Variants in PRR5L observed in about 807,000 individuals in gnomAD.
PRR5L encodes proline rich 5 like.
PRR5L carries 21 observed loss-of-function variants against 36.4 expected under a neutral mutation model. That is an observed-to-expected ratio of 0.58 (90% CI 0.41 to 0.83). The LOEUF (loss-of-function observed/expected upper bound fraction) is 0.83. Among genes scored for constraint, PRR5L ranks in the 40% least tolerant of loss-of-function variants. PRR5L has a pLI of 0.00. For missense variants in PRR5L, 381 were observed against 473.3 expected (o/e 0.80, Z 1.81); for synonymous variants, 188 against 197.0 (o/e 0.95, Z 0.38).
At chr11:36,351,302 A>G (rs1396404850) in intron 1 of PRR5L, among the ~76,000 whole-genome samples, 5 of 70,134 alleles carry the variant, frequency 7.1e-5, no homozygotes, top group East Asian at 7.9e-4. Context: ...ATATTTATAT[A>G]TATATTTATA....
chr11:36,308,917 T>C (rs1856465262), intron 1 of PRR5L, among the ~76,000 whole-genome samples: 1 of 152,224 alleles, frequency 6.6e-6, no homozygotes, highest in Non-Finnish European at 1.5e-5. Flanking sequence ...GACACAAACC[T>C]GAACTAAGGC....
intron 2 of PRR5L, among the ~76,000 whole-genome samples, chr11:36,402,995 C>T (rs192303259): frequency 1.3e-5 from 2 of 152,358 alleles, no homozygotes; most frequent in East Asian, 3.9e-4. Flanking sequence ...CAGGTCCATG[C>T]AGTTTCCTGC....
intron 1 of PRR5L, among the ~76,000 whole-genome samples, chr11:36,359,335 G>A (rs982037552): frequency 3.3e-5 from 5 of 152,160 alleles, no homozygotes; most frequent in Admixed American, 3.3e-4. Flanking sequence ...CACTTCCTTC[G>A]GTGTTGGAGA....
intron 1 of PRR5L, chr11:36,388,268 A>G (rs1385419338): frequency 1.3e-5 from 2 of 152,230 alleles, no homozygotes; most frequent in African/African-American, 4.8e-5. Flanking sequence ...CAAATGAATG[A>G]ACTGTCATTG....
intron 1 of PRR5L, among the ~76,000 whole-genome samples, chr11:36,342,307 G>A (rs565476179): frequency 6.6e-6 from 1 of 152,178 alleles, no homozygotes; most frequent in African/African-American, 2.4e-5. Flanking sequence ...CACTAACCTG[G>A]AAATATAAAG....
At chr11:36,428,233 GA>G (rs1858423097) in intron 4 of PRR5L, among the ~76,000 whole-genome samples, 1 of 152,226 alleles carries the variant, frequency 6.6e-6, no homozygotes, top group African/African-American at 2.4e-5. Flanking sequence ...GGGAGGTGGT[GA>G]GGAGGCAGGG....
At chr11:36,374,220 G>T (rs997357217) in intron 1 of PRR5L, among the ~76,000 whole-genome samples, 1 of 151,916 alleles carries the variant, frequency 6.6e-6, no homozygotes, top group Non-Finnish European at 1.5e-5. Context: ...TCAGTCTCCA[G>T]AGTACTTGGG....
At chr11:36,302,580 G>C (rs1198319066) in intron 1 of PRR5L, among the ~76,000 whole-genome samples, 5 of 152,096 alleles carry the variant, frequency 3.3e-5, no homozygotes, top group Non-Finnish European at 5.9e-5. Flanking sequence ...GAGCTCAGGA[G>C]TTCGAGACCA....
At chr11:36,326,286 G>T (rs1288000738) in intron 1 of PRR5L, among the ~76,000 whole-genome samples, 3 of 140,078 alleles carry the variant, frequency 2.1e-5, no homozygotes, top group Non-Finnish European at 4.6e-5. Flanking sequence ...ACACTTTAGT[G>T]TGTCTCCCCA....
chr11:36,361,890 G>C (rs12575749), intron 1 of PRR5L, among the ~76,000 whole-genome samples: 36,144 of 151,782 alleles, frequency 0.24, 5,368 homozygotes, highest in Non-Finnish European at 0.33. Flanking sequence ...CTCTTCCCTC[G>C]AGGGGCTTGG....
intron 7 of PRR5L, among the ~76,000 whole-genome samples, chr11:36,448,282 A>T (rs1225714176): frequency 6.6e-6 from 1 of 151,930 alleles, no homozygotes; most frequent in Non-Finnish European, 1.5e-5. Flanking sequence ...CCCCACCCCC[A>T]TTTGCTCTCC....
rs1286948768 is a variant in PRR5L at position 36,351,667 on chromosome 11, T to TTATATATTTATATAAATATATATA, written c.-125-49324_-125-49323insTTTATATAAATATATATATATATA. ...TTTATATATTTATATAAATATATAT[T>TTATATATTTATATAAATATATATA]TATATACTTATATATTTATATATTT... On this transcript the variant is annotated intron_variant, in intron 1 of 8. Transcript: ENST00000530639. 1.3e-3 allele frequency among the ~76,000 whole-genome samples: 4 copies of TTATATATTTATATAAATATATATA among 3,012 alleles called. 2 individuals are homozygous for TTATATATTTATATAAATATATATA. The highest frequency in any genetic ancestry group is 4.0e-3 in the African/African-American group (4 of 1,000). The allele number at this position is 3,012 out of a possible 152,430, so 2.0% of individuals were successfully genotyped here. A position where few individuals can be genotyped will look rare whatever the true frequency, so the allele number is the denominator to read the frequency against.
chr11:36,425,779 A>T (rs2133591472), intron 4 of PRR5L: 1 of 152,174 alleles, frequency 6.6e-6, no homozygotes, highest in East Asian at 1.9e-4. Flanking sequence ...AGATGTGCAC[A>T]TCATTAGAGG....
intron 1 of PRR5L, among the ~76,000 whole-genome samples, chr11:36,360,410 C>A (rs1857074884): frequency 6.6e-6 from 1 of 152,122 alleles, no homozygotes; most frequent in South Asian, 2.1e-4. Context: ...GTATAAGGTA[C>A]CAAACAGGAA....
At chr11:36,425,070 C>A (rs910158231) in intron 4 of PRR5L, among the ~76,000 whole-genome samples, 1 of 152,188 alleles carries the variant, frequency 6.6e-6, no homozygotes, top group Non-Finnish European at 1.5e-5. Flanking sequence ...GATCCACCCG[C>A]CTCGGCCTCC....
At chr11:36,311,883 T>A (rs1003769770) in intron 1 of PRR5L, among the ~76,000 whole-genome samples, 22 of 152,178 alleles carry the variant, frequency 1.4e-4, no homozygotes, top group Admixed American at 6.5e-5. Flanking sequence ...TTTGGTAATA[T>A]GGGAAAGATT....
chr11:36,336,076 G>C (rs1397467013), intron 1 of PRR5L, among the ~76,000 whole-genome samples: 1 of 152,118 alleles, frequency 6.6e-6, no homozygotes, highest in Non-Finnish European at 1.5e-5. Context: ...TTCTTCCCAT[G>C]GGTACTTAGT....
At chr11:36,342,797 C>T (rs191807983) in intron 1 of PRR5L, among the ~76,000 whole-genome samples, 17 of 152,142 alleles carry the variant, frequency 1.1e-4, no homozygotes, top group Admixed American at 1.0e-3. Flanking sequence ...TAAATATAGC[C>T]GCACTTTAGA....
intron 1 of PRR5L, chr11:36,375,952 T>G (rs976137868): frequency 5.3e-6 from 2 of 373,852 alleles, no homozygotes; most frequent in Non-Finnish European, 1.0e-5. Flanking sequence ...TCCGCCCTGC[T>G]CCTTTTTAAG....
Sources: gnomAD v4.1 joint callset for allele counts (sites outside exome capture counted in the v4.1 genomes callset) on GRCh38, gnomAD v4.1.1 for gene constraint, MANE v1.5 for transcripts, NCBI Gene and HGNC (gene_info 2026-07-23, HGNC 2026-07-21) for gene names.